Variants in ITGBL1 observed in about 807,000 individuals in gnomAD.
ITGBL1 encodes the protein integrin beta-like protein 1.
A neutral mutation model predicts 68.5 loss-of-function variants in ITGBL1; 51 were observed. The observed-to-expected ratio is 0.74, with a 90% CI of 0.59 to 0.94. The LOEUF (loss-of-function observed/expected upper bound fraction) is 0.94. ITGBL1 is among the 40% of genes least tolerant of loss of function. The pLI, the probability that ITGBL1 is intolerant of heterozygous loss-of-function variation, is 0.00. For missense variants in ITGBL1, 649 were observed against 647.4 expected (o/e 1.00, Z -0.03); for synonymous variants, 209 against 227.3 (o/e 0.92, Z 0.72).
intron 9 of ITGBL1, 156 bp from the exon 10 acceptor site, chr13:101,714,282 G>A (rs972331522): frequency 1.6e-6 from 1 of 622,760 alleles, no homozygotes; most frequent in African/African-American, 1.8e-5. Context: ...ATTACAGTAA[G>A]TAAAGCTCCC....
intron 2 of ITGBL1, among the ~76,000 whole-genome samples, chr13:101,540,774 C>T (rs1269922232): frequency 6.6e-6 from 1 of 151,644 alleles, no homozygotes; most frequent in African/African-American, 2.4e-5. Context: ...CTTCACATCC[C>T]TTGTAAGTTG....
intron 6 of ITGBL1, among the ~76,000 whole-genome samples, chr13:101,583,917 A>G (rs559065462): frequency 6.6e-6 from 1 of 152,320 alleles, no homozygotes; most frequent in Non-Finnish European, 1.5e-5. Flanking sequence ...CATTAGCTCT[A>G]GATAGCTACT....
intron 2 of ITGBL1, among the ~76,000 whole-genome samples, chr13:101,499,133 G>C (rs1353151670): frequency 6.6e-6 from 1 of 152,126 alleles, no homozygotes; most frequent in Admixed American, 6.6e-5. Flanking sequence ...GTCCTCTTCA[G>C]GCACAATTTT....
intron 2 of ITGBL1, among the ~76,000 whole-genome samples, chr13:101,564,502 G>A (rs1359457125): frequency 6.6e-6 from 1 of 150,578 alleles, no homozygotes; most frequent in African/African-American, 2.4e-5. Flanking sequence ...ACATATATAT[G>A]TATATACAAC....
intron 7 of ITGBL1, 100 bp from the exon 8 acceptor site, chr13:101,692,485 A>G (rs917736195): frequency 1.3e-6 from 1 of 771,782 alleles, no homozygotes; most frequent in African/African-American, 1.7e-5. Flanking sequence ...GACTGGAACT[A>G]TTCTAGGAGA....
chr13:101,627,649 C>T (rs9585738), intron 7 of ITGBL1, among the ~76,000 whole-genome samples: 51,813 of 151,992 alleles, frequency 0.34, 9,155 homozygotes, highest in Non-Finnish European at 0.41. Context: ...CTGGCAAGCA[C>T]GGATCTTTTT....
At chr13:101,634,662 C>T (rs2032105611) in intron 7 of ITGBL1, among the ~76,000 whole-genome samples, 1 of 152,036 alleles carries the variant, frequency 6.6e-6, no homozygotes, top group Admixed American at 6.6e-5. Flanking sequence ...GCTAAGAGTG[C>T]CAGGTGTGTG....
chr13:101,720,089 T>G (rs111737340), downstream of ITGBL1: 4 of 152,300 alleles, frequency 2.6e-5, no homozygotes, highest in African/African-American at 9.6e-5. Context: ...ATATGTTGTA[T>G]TTGTGAATTT....
At chr13:101,536,054 T>G (rs1325213355) in intron 2 of ITGBL1, among the ~76,000 whole-genome samples, 2 of 6,050 alleles carry the variant, frequency 3.3e-4, no homozygotes, top group Non-Finnish European at 5.8e-4. Flanking sequence ...CTTTTCTATC[T>G]TTTTTTTTTA....
intron 2 of ITGBL1, among the ~76,000 whole-genome samples, chr13:101,501,811 T>A (rs1158613707): frequency 2.0e-5 from 3 of 152,176 alleles, no homozygotes; most frequent in Non-Finnish European, 4.4e-5. Flanking sequence ...ACAGATAAAC[T>A]TTTGGATCAG....
chr13:101,586,753 G>T (rs567362928), intron 6 of ITGBL1, among the ~76,000 whole-genome samples: 20 of 152,172 alleles, frequency 1.3e-4, no homozygotes, highest in African/African-American at 4.6e-4. Context: ...ATAAAACTAA[G>T]CTTCTCTGAA....
At chr13:101,708,489 A>G (rs1214330919) in intron 9 of ITGBL1, among the ~76,000 whole-genome samples, 1 of 152,194 alleles carries the variant, frequency 6.6e-6, no homozygotes, top group Non-Finnish European at 1.5e-5. Flanking sequence ...AAAGTGTGCT[A>G]GAGACACTGA....
intron 7 of ITGBL1, among the ~76,000 whole-genome samples, chr13:101,648,734 G>T (rs534045389): frequency 6.6e-6 from 1 of 152,190 alleles, no homozygotes; most frequent in African/African-American, 2.4e-5. Context: ...TAGCAACAAT[G>T]TTAGACATGA....
chr13:101,530,821 T>C (rs1291615608), intron 2 of ITGBL1, among the ~76,000 whole-genome samples: 2 of 152,238 alleles, frequency 1.3e-5, no homozygotes, highest in African/African-American at 4.8e-5. Flanking sequence ...TTTTGGGATA[T>C]GTCGCATGTA....
intron 2 of ITGBL1, among the ~76,000 whole-genome samples, chr13:101,499,658 C>CT (rs1238437223): frequency 6.6e-6 from 1 of 152,192 alleles, no homozygotes; most frequent in Non-Finnish European, 1.5e-5. Context: ...TCCCCTGTCC[C>CT]TTTAGTGTGA....
chr13:101,717,315 T>C (rs905120640), downstream of ITGBL1: 2 of 152,146 alleles, frequency 1.3e-5, no homozygotes, highest in Non-Finnish European at 2.9e-5. Context: ...AAAATTGTTA[T>C]CTCTATCCTG....
intron 2 of ITGBL1, among the ~76,000 whole-genome samples, chr13:101,548,841 AC>A (rs1445129705): frequency 2.0e-5 from 3 of 151,858 alleles, no homozygotes; most frequent in Admixed American, 1.3e-4. Flanking sequence ...AATTTACCTT[AC>A]ATTAATCTTT....
intron 2 of ITGBL1, among the ~76,000 whole-genome samples, chr13:101,518,320 G>A (rs531596432): frequency 4.9e-4 from 74 of 152,098 alleles, no homozygotes; most frequent in Middle Eastern, 3.4e-3. Flanking sequence ...ACCATCAATC[G>A]TTATGTTAAG....
intron 2 of ITGBL1, among the ~76,000 whole-genome samples, chr13:101,460,661 G>T (rs74457181): frequency 6.6e-6 from 1 of 152,176 alleles, no homozygotes; most frequent in Non-Finnish European, 1.5e-5. Flanking sequence ...AAAGGAAAGA[G>T]GTTTATTTGG....
Sources: gnomAD v4.1 joint callset for allele counts (sites outside exome capture counted in the v4.1 genomes callset) on GRCh38, gnomAD v4.1.1 for gene constraint, MANE v1.5 for transcripts, NCBI Gene and HGNC (gene_info 2026-07-23, HGNC 2026-07-21) for gene names.